RNF180: variants seen among roughly 807,000 people sequenced by gnomAD.
RNF180 encodes the protein E3 ubiquitin-protein ligase RNF180.
A neutral mutation model predicts 59.2 loss-of-function variants in RNF180; 38 were observed. That is an observed-to-expected ratio of 0.64 (90% CI 0.50 to 0.84). The LOEUF is 0.84. RNF180 is among the 40% of genes least tolerant of loss of function. RNF180 has a pLI of 0.00. For missense variants in RNF180, 705 were observed against 700.9 expected (o/e 1.01, Z -0.07); for synonymous variants, 262 against 240.3 (o/e 1.09, Z -0.84).
intron 5 of RNF180, among the ~76,000 whole-genome samples, chr5:64,276,520 C>T (rs981970796): frequency 2.0e-5 from 3 of 151,980 alleles, no homozygotes; most frequent in East Asian, 1.9e-4. Flanking sequence ...TATGACATGC[C>T]TGTGACTGAA....
Position 64,229,878 on chromosome 5 carries a change from G to T in RNF180, c.1227+12482G>T, listed in dbSNP as rs74946346. Among the ~76,000 whole-genome samples the T allele has an allele frequency of 3.6e-3, 549 of 152,294 alleles. 23 individuals carry two copies. The East Asian group carries it at 0.096, about 27-fold the overall frequency. On this transcript the variant is annotated intron_variant, in intron 5 of 7. Transcript: ENST00000389100. ...AGCCATTCATATACATTGATGTTTAGCAGAGTTTCTTAACTTGGGTTTGAT... is the reference window on the plus strand; with the variant it reads ...AGCCATTCATATACATTGATGTTTATCAGAGTTTCTTAACTTGGGTTTGAT...
intron 1 of RNF180, chr5:64,166,408 C>T (rs1749642706): frequency 6.5e-6 from 1 of 152,684 alleles, no homozygotes; most frequent in Admixed American, 6.5e-5. Context: ...ATTCCCTCTG[C>T]ACGGTTCCAC....
chr5:64,271,089 T>C (rs993287000), intron 5 of RNF180, among the ~76,000 whole-genome samples: 5 of 152,052 alleles, frequency 3.3e-5, no homozygotes, highest in African/African-American at 1.2e-4. Context: ...ATGTGCTTGG[T>C]AATGATTGAT....
intron 1 of RNF180, among the ~76,000 whole-genome samples, chr5:64,182,795 G>A (rs111831015): frequency 1.8e-4 from 28 of 152,266 alleles, no homozygotes; most frequent in African/African-American, 6.5e-4. Context: ...AGTAAAGAAG[G>A]CCACCAGTAT....
At chr5:64,311,335 T>C (rs1237374792) in intron 5 of RNF180, among the ~76,000 whole-genome samples, 1 of 151,964 alleles carries the variant, frequency 6.6e-6, no homozygotes, top group Admixed American at 6.6e-5. Flanking sequence ...GCATCACACA[T>C]TGGAATTTAC....
At position 64,370,505 on chromosome 5, in the gene RNF180, A is replaced by G. The variant is rs923804406; in HGVS notation, c.*691A>G. On this transcript the variant is annotated 3_prime_UTR_variant, in exon 8 of 8. Transcript: ENST00000389100. ...GATTAATCACCAGAAGACATGAAAAATTTACCGACTTTTAGTAGTCTAAAA... is the reference window on the plus strand; with the variant it reads ...GATTAATCACCAGAAGACATGAAAAGTTTACCGACTTTTAGTAGTCTAAAA... 113 of 151,872 alleles carry G rather than the reference A, an allele frequency of 7.4e-4. No homozygotes were observed. The highest frequency in any genetic ancestry group is 2.6e-3 in the African/African-American group (108 of 41,532). The allele number at this position is 151,872 out of a possible 1,614,324, so 9.4% of individuals were successfully genotyped here.
chr5:64,331,186 C>T (rs186402855), intron 7 of RNF180, among the ~76,000 whole-genome samples: 3 of 152,212 alleles, frequency 2.0e-5, no homozygotes, highest in East Asian at 1.9e-4. Flanking sequence ...GGCAGCTCAG[C>T]GCAACCTGCA....
intron 5 of RNF180, among the ~76,000 whole-genome samples, chr5:64,324,611 C>T (rs1744539144): frequency 6.6e-6 from 1 of 152,190 alleles, no homozygotes; most frequent in Non-Finnish European, 1.5e-5. Context: ...ATCATGTTTC[C>T]CCATAGCAAG....
intron 7 of RNF180, among the ~76,000 whole-genome samples, chr5:64,362,763 CT>C (rs1746306924): frequency 6.6e-6 from 1 of 151,820 alleles, no homozygotes. Context: ...TATTTTTGTA[CT>C]TTTCAATAAT....
At chr5:64,180,277 C>T (rs1245151013) in intron 1 of RNF180, among the ~76,000 whole-genome samples, 2 of 152,112 alleles carry the variant, frequency 1.3e-5, no homozygotes. Context: ...CCTATAGTCA[C>T]AAGTTTGAGC....
intron 7 of RNF180, among the ~76,000 whole-genome samples, chr5:64,360,594 A>G (rs928181464): frequency 1.1e-4 from 17 of 151,820 alleles, no homozygotes; most frequent in Non-Finnish European, 1.8e-4. Context: ...AGGGTATTCA[A>G]TTAGGAAAAG....
intron 4 of RNF180, among the ~76,000 whole-genome samples, chr5:64,214,867 A>G (rs1391135770): frequency 1.3e-5 from 2 of 152,148 alleles, no homozygotes; most frequent in Non-Finnish European, 1.5e-5. Flanking sequence ...TTGGGTTGAA[A>G]AAATGTTTTT....
chr5:64,286,591 C>G (rs1561239613), intron 5 of RNF180, among the ~76,000 whole-genome samples: 1 of 152,094 alleles, frequency 6.6e-6, no homozygotes, highest in South Asian at 2.1e-4. Flanking sequence ...CTCTTTATCA[C>G]TTTTTTCAAG....
intron 5 of RNF180, among the ~76,000 whole-genome samples, chr5:64,311,061 A>C (rs1269154930): frequency 6.6e-6 from 1 of 151,912 alleles, no homozygotes; most frequent in Non-Finnish European, 1.5e-5. Flanking sequence ...TAGAAATTAC[A>C]GATTATTTGG....
intron 5 of RNF180, among the ~76,000 whole-genome samples, chr5:64,317,067 G>A (rs1338380253): frequency 6.6e-6 from 1 of 152,040 alleles, no homozygotes; most frequent in Non-Finnish European, 1.5e-5. Flanking sequence ...GACATGGAGG[G>A]CCAACTATAT....
intron 1 of RNF180, among the ~76,000 whole-genome samples, chr5:64,171,847 C>T (rs1749952495): frequency 6.6e-6 from 1 of 152,130 alleles, no homozygotes; most frequent in South Asian, 2.1e-4. Context: ...ACCCCGCCCC[C>T]CCACCAATAA....
chr5:64,300,056 G>A (rs538415999), intron 5 of RNF180, among the ~76,000 whole-genome samples: 1 of 151,658 alleles, frequency 6.6e-6, no homozygotes, highest in Non-Finnish European at 1.5e-5. Flanking sequence ...CTTGTGTTCA[G>A]GTAACCCTTA....
intron 5 of RNF180, among the ~76,000 whole-genome samples, chr5:64,239,431 T>C (rs1223304043): frequency 6.6e-6 from 1 of 152,222 alleles, no homozygotes; most frequent in Non-Finnish European, 1.5e-5. Flanking sequence ...GCACGTTACA[T>C]TTTCCTGTCT....
intron 7 of RNF180, among the ~76,000 whole-genome samples, chr5:64,363,443 T>C (rs571980629): frequency 1.3e-5 from 2 of 151,898 alleles, no homozygotes; most frequent in East Asian, 2.0e-4. Flanking sequence ...TTCTGTTCCA[T>C]TGATCGCTAT....
Sources: gnomAD v4.1 joint callset for allele counts (sites outside exome capture counted in the v4.1 genomes callset) on GRCh38, gnomAD v4.1.1 for gene constraint, MANE v1.5 for transcripts, NCBI Gene and HGNC (gene_info 2026-07-23, HGNC 2026-07-21) for gene names.